The following MIB1 variants were observed in gnomAD, a reference collection of about 807,000 sequenced individuals.
MIB1 encodes the protein MIB E3 ubiquitin protein ligase 1.
MIB1 carries 278 observed loss-of-function variants against 124.5 expected under a neutral mutation model. That is an observed-to-expected ratio of 2.23 (90% confidence interval 2.02 to 2.47). The LOEUF (loss-of-function observed/expected upper bound fraction) is 2.47, where lower values mean the gene tolerates loss of function less well. Ranked by LOEUF, MIB1 falls within the 30% of genes most tolerant of loss-of-function variation. MIB1 has a pLI of 0.00. For missense variants in MIB1, 957 were observed against 1,254.4 expected (o/e 0.76, Z 3.58); for synonymous variants, 446 against 429.4 (o/e 1.04, Z -0.48).
At chr18:21,845,302 A>C (rs1004915666) in intron 15 of MIB1, among the ~76,000 whole-genome samples, 1 of 152,070 alleles carries the variant, frequency 6.6e-6, no homozygotes, top group Non-Finnish European at 1.5e-5. Context: ...GAGCCACCAC[A>C]CCCAGCCCTT....
intron 20 of MIB1, among the ~76,000 whole-genome samples, chr18:21,864,143 TC>T (rs2042300224): frequency 6.6e-6 from 1 of 152,136 alleles, no homozygotes; most frequent in Non-Finnish European, 1.5e-5. Flanking sequence ...GCCTAGAATT[TC>T]TCTGCCTCCT....
Position 21,773,640 on chromosome 18 carries a change from A to G in MIB1, c.548A>G (p.Asp183Gly). 1 of 1,608,996 alleles carries G rather than the reference A, an allele frequency of 6.2e-7. No homozygotes were observed. Among genetic ancestry groups the G allele is most frequent in the Non-Finnish European group, 8.5e-7 (1 of 1,178,034 alleles). Residue 183 changes from aspartate to glycine, a missense_variant, in exon 4 of 21, where the codon GAC becomes GGC. Asp to Gly is a moderately conservative substitution (Grantham distance 94). Transcript: ENST00000261537. Reference sequence around the variant, plus strand: ...TTCTGTTAGGTAACAGAAATCCAGGACTGGAGTGCATCAAGCCCACATAGC... The same window carrying G: ...TTCTGTTAGGTAACAGAAATCCAGGGCTGGAGTGCATCAAGCCCACATAGC... The part of the protein sequence containing the change: ...GRRGKVTEIQ[D>G]WSASSPHSAA...
intron 6 of MIB1, among the ~76,000 whole-genome samples, chr18:21,783,158 C>T (rs2041390130): frequency 6.6e-6 from 1 of 151,260 alleles, no homozygotes; most frequent in African/African-American, 2.4e-5. Context: ...CTGCATGTGT[C>T]TTTATAGGTG....
At chr18:21,715,847 C>CT (rs2040687458) in intron 1 of MIB1, among the ~76,000 whole-genome samples, 1 of 152,036 alleles carries the variant, frequency 6.6e-6, no homozygotes, top group African/African-American at 2.4e-5. Flanking sequence ...AACAAAGCCT[C>CT]TAAGAAATCT....
chr18:21,757,451 C>CAAA (rs1202189616), intron 1 of MIB1, among the ~76,000 whole-genome samples: 139 of 13,256 alleles, frequency 0.01, 32 homozygotes, highest in Middle Eastern at 0.083. Flanking sequence ...GACTCTGTCT[C>CAAA]AAAAAAAAAA....
chr18:21,809,685 T>C (rs1469329258), intron 10 of MIB1, among the ~76,000 whole-genome samples: 1 of 152,062 alleles, frequency 6.6e-6, no homozygotes, highest in East Asian at 1.9e-4. Flanking sequence ...AGAAAAAGCA[T>C]TTGACATAAT....
intron 13 of MIB1, among the ~76,000 whole-genome samples, chr18:21,842,649 T>C (rs2042101909): frequency 1.3e-5 from 2 of 152,192 alleles, no homozygotes; most frequent in Non-Finnish European, 2.9e-5. Context: ...CATTACCTTC[T>C]CACCTAAAGC....
intron 10 of MIB1, among the ~76,000 whole-genome samples, chr18:21,809,977 C>T (rs2041752408): frequency 1.3e-5 from 2 of 151,972 alleles, no homozygotes; most frequent in African/African-American, 4.8e-5. Context: ...CTTAGTGAAA[C>T]CTAAAGATTT....
chr18:21,804,280 G>A (rs994108816), intron 10 of MIB1, among the ~76,000 whole-genome samples: 1 of 152,180 alleles, frequency 6.6e-6, no homozygotes, highest in African/African-American at 2.4e-5. Flanking sequence ...CTAAAGGTGG[G>A]CTTGTCCAAG....
intron 4 of MIB1, 31 bp downstream of exon 4, chr18:21,773,759 G>T (rs909914081): frequency 3.0e-6 from 4 of 1,353,420 alleles, no homozygotes; most frequent in Non-Finnish European, 4.1e-6. Context: ...GCAGGTGAAA[G>T]AAAATGTTGG....
At chr18:21,847,843 A>G (rs2042148122) in intron 16 of MIB1, among the ~76,000 whole-genome samples, 1 of 152,194 alleles carries the variant, frequency 6.6e-6, no homozygotes, top group South Asian at 2.1e-4. Context: ...TATGTCAGTG[A>G]TTTTAATTAT....
chr18:21,731,132 A>C (rs1040828849), intron 1 of MIB1, among the ~76,000 whole-genome samples: 1 of 152,146 alleles, frequency 6.6e-6, no homozygotes, highest in African/African-American at 2.4e-5. Context: ...ATTCCCATCA[A>C]ATACACTTAT....
chr18:21,842,116 A>AAAAAAAAAAAAAAAAG (rs1555695873), intron 13 of MIB1, among the ~76,000 whole-genome samples: 1 of 121,136 alleles, frequency 8.3e-6, no homozygotes, highest in African/African-American at 3.3e-5. Flanking sequence ...AAAAAAAAAA[A>AAAAAAAAAAAAAAAAG]AAGAAGAAAA....
At chr18:21,776,254 G>GA (rs2041284536) in intron 4 of MIB1, among the ~76,000 whole-genome samples, 1 of 132,770 alleles carries the variant, frequency 7.5e-6, no homozygotes, top group Non-Finnish European at 1.6e-5. Flanking sequence ...GGGCAACAGA[G>GA]AGAGACCCTG....
At chr18:21,839,882 G>A (rs1337762456) in intron 13 of MIB1, among the ~76,000 whole-genome samples, 1 of 152,144 alleles carries the variant, frequency 6.6e-6, no homozygotes, top group African/African-American at 2.4e-5. Context: ...GCAGCTTTTT[G>A]CGGATGTTAT....
At position 21,832,315 on chromosome 18, in the gene MIB1, A is replaced by G. The variant is rs117945988; in HGVS notation, c.1830-6050A>G. The stretch of plus-strand genomic sequence containing the variant: ...ATTGTCATGTTTCTCTAATTTTCTG[A>G]AGTGACTTTTAGGCATGATCATTGC... On this transcript the variant is annotated intron_variant, in intron 12 of 20. Coordinates refer to ENST00000261537, the MANE Select transcript of MIB1 (RefSeq NM_020774.4). Among the ~76,000 whole-genome samples, 91 of 152,272 alleles carry G rather than the reference A, an allele frequency of 6.0e-4. No individual in the cohort carries two copies. The East Asian group carries it at 0.016, about 26-fold the overall frequency.
chr18:21,852,253 C>G (rs2042186586), intron 17 of MIB1, among the ~76,000 whole-genome samples: 1 of 152,174 alleles, frequency 6.6e-6, no homozygotes, highest in Non-Finnish European at 1.5e-5. Context: ...TCTATACTTA[C>G]ATAAATTCTA....
intron 13 of MIB1, among the ~76,000 whole-genome samples, chr18:21,840,284 A>G (rs1321977750): frequency 6.6e-6 from 1 of 152,162 alleles, no homozygotes; most frequent in Non-Finnish European, 1.5e-5. Context: ...AGCAACTCAA[A>G]TTAAGAAAAA....
chr18:21,766,079 T>C lies in MIB1; in HGVS notation c.401+136T>C. On this transcript the variant is annotated intron_variant, in intron 2 of 20. Coordinates refer to ENST00000261537, the MANE Select transcript of MIB1 (RefSeq NM_020774.4). ...TAACAGGAGGTACCCAATAGTAGGA[T>C]AGAAGTGGACCAAATCTGCCATATA... 3 of 765,084 alleles carry C rather than the reference T, an allele frequency of 3.9e-6. No homozygotes were observed. The South Asian group carries it at 4.9e-5, about 12-fold the overall frequency. 47.4% of individuals were successfully genotyped at this position (765,084 alleles called of 1,614,324 possible). A position where few individuals can be genotyped will look rare whatever the true frequency, so the allele number is the denominator to read the frequency against.
Sources: gnomAD v4.1 joint callset for allele counts (sites outside exome capture counted in the v4.1 genomes callset) on GRCh38, gnomAD v4.1.1 for gene constraint, MANE v1.5 for transcripts, NCBI Gene and HGNC (gene_info 2026-07-23, HGNC 2026-07-21) for gene names.